The following INTS6 variants were observed in gnomAD, a reference collection of about 807,000 sequenced individuals.
INTS6 encodes the protein DEAD box protein.
A neutral mutation model predicts 104.9 loss-of-function variants in INTS6; 16 were observed. The ratio of observed to expected loss-of-function variants is 0.15; its 90% CI spans 0.10 to 0.23. The LOEUF is 0.23. INTS6 is among the 10% of genes least tolerant of loss of function. INTS6 has a pLI of 1.00. For missense variants in INTS6, 584 were observed against 1,062.8 expected, an observed-to-expected ratio of 0.55 and a Z score of 6.26; for synonymous variants, 324 against 358.7, an observed-to-expected ratio of 0.90 and a Z score of 1.09.
At chr13:51,404,374 G>A (rs1184520526) in intron 4 of INTS6, among the ~76,000 whole-genome samples, 4 of 151,184 alleles carry the variant, frequency 2.6e-5, no homozygotes, top group Non-Finnish European at 4.4e-5. Context: ...TGTAAGTCAC[G>A]AGTCACAGAA....
chr13:51,452,208 C>A lies in INTS6; in HGVS notation c.112-153G>T. 1 of 669,572 alleles carries A rather than the reference C, an allele frequency of 1.5e-6. No individual in the cohort carries two copies. The highest frequency in any genetic ancestry group is 2.2e-6 in the Non-Finnish European group (1 of 464,152). 41.5% of individuals were successfully genotyped at this position (669,572 alleles called of 1,614,324 possible). ...CGCCGTCCCCCACACACAGATCGCTCCCCACACACCGCCCGGGGCCGGAGC... is the reference window on the plus strand; with the variant it reads ...CGCCGTCCCCCACACACAGATCGCTACCCACACACCGCCCGGGGCCGGAGC... On this transcript the variant is annotated intron_variant, in intron 1 of 17. Transcript: ENST00000311234. This position sits in a 1 kb window ranked among gnomAD's most constrained non-coding sequence, Gnocchi z 4.2.
intron 15 of INTS6, among the ~76,000 whole-genome samples, chr13:51,370,397 G>A: frequency 6.6e-6 from 1 of 152,036 alleles, no homozygotes; most frequent in South Asian, 2.1e-4. Flanking sequence ...CACTATCTTA[G>A]GCCAATCTCC....
At chr13:51,355,249 TAAGA>T (rs1307470439) in intron 3 of INTS6, 2 of 466,438 alleles carry the variant, frequency 4.3e-6, no homozygotes, top group Non-Finnish European at 7.6e-6. Flanking sequence ...TGTAAAAGAA[TAAGA>T]AAGGTGCTCT....
intron 14 of INTS6, 74 bp downstream of exon 14, chr13:51,374,580 C>G: frequency 1.3e-6 from 2 of 1,565,208 alleles, no homozygotes; most frequent in South Asian, 2.3e-5. Flanking sequence ...CAGCTTACTT[C>G]AGTTAAATTA....
chr13:51,412,094 A>G (rs1327179351), intron 4 of INTS6, among the ~76,000 whole-genome samples: 1 of 152,214 alleles, frequency 6.6e-6, no homozygotes, highest in African/African-American at 2.4e-5. Context: ...GTATAATTCC[A>G]AATTCTAGAG....
At chr13:51,432,713 C>T (rs948176588) in intron 3 of INTS6, among the ~76,000 whole-genome samples, 43 of 152,212 alleles carry the variant, frequency 2.8e-4, no homozygotes, top group Non-Finnish European at 5.4e-4. Context: ...ATGTGTACTC[C>T]CCAAATTCAA....
At chr13:51,444,274 T>A (rs1487046796) in intron 3 of INTS6, 1 of 144,532 alleles carries the variant, frequency 6.9e-6, no homozygotes, top group Non-Finnish European at 1.5e-5. Context: ...TTTTTTTTTT[T>A]TTTTTTTTTT....
Position 51,387,378 on chromosome 13 carries a change from G to A in INTS6, c.894+8C>T, listed in dbSNP as rs896594874. ...TACTATTACATAGTTACAGTCTCTG[G>A]TACTTACTAGTGTTGGCGAATTTTG... On this transcript the variant is annotated splice_region_variant and intron_variant, in intron 7 of 17. Coordinates refer to ENST00000311234, the MANE Select transcript of INTS6 (RefSeq NM_012141.3). The A allele has an allele frequency of 4.4e-6, 7 of 1,606,956 alleles. No individual in the cohort carries two copies. The Admixed American group carries it at 1.2e-4, about 27-fold the overall frequency.
intron 10 of INTS6, among the ~76,000 whole-genome samples, chr13:51,380,067 T>A (rs1956016000): frequency 6.6e-6 from 1 of 152,090 alleles, no homozygotes; most frequent in Non-Finnish European, 1.5e-5. Flanking sequence ...CAATACCTAC[T>A]CTTACAGGGT....
intron 4 of INTS6, among the ~76,000 whole-genome samples, chr13:51,411,095 C>G (rs946386220): frequency 4.0e-5 from 6 of 151,666 alleles, no homozygotes; most frequent in Non-Finnish European, 8.8e-5. Context: ...TGCCCGTAAT[C>G]CTAGCTACTC....
At chr13:51,447,635 CT>C (rs1952945218) in intron 3 of INTS6, 1 of 145,128 alleles carries the variant, frequency 6.9e-6, no homozygotes, top group Admixed American at 7.2e-5. Flanking sequence ...TACTAACATA[CT>C]TCAGGTAGCA....
intron 3 of INTS6, chr13:51,438,828 G>A (rs1255100127): frequency 6.6e-6 from 1 of 152,126 alleles, no homozygotes; most frequent in Non-Finnish European, 1.5e-5. Context: ...ACATCATTTT[G>A]CTAATTCCTG....
chr13:51,448,273 T>G (rs1952964742), intron 3 of INTS6: 1 of 152,202 alleles, frequency 6.6e-6, no homozygotes, highest in South Asian at 2.1e-4. Flanking sequence ...TGTATCAAAT[T>G]TATCTGCAAT....
chr13:51,452,927 G>C lies in INTS6; in HGVS notation c.-402C>G, dbSNP rs1298381225. ...TGGGGACCTGGGAGCTGGCGAAGAG[G>C]GGAGTGGGCTGAGGGAAGATTGGCC... On this transcript the variant is annotated 5_prime_UTR_variant, in exon 1 of 18. Transcript: ENST00000311234. This position sits in a 1 kb window ranked among gnomAD's most constrained non-coding sequence, Gnocchi z 4.2. 1.9e-6 allele frequency: 2 copies of C among 1,074,754 alleles called. No homozygotes were observed. Among genetic ancestry groups the C allele is most frequent in the African/African-American group, 3.5e-5 (2 of 57,864 alleles). The allele number at this position is 1,074,754 out of a possible 1,614,324, so 66.6% of individuals were successfully genotyped here.
chr13:51,402,155 A>C (rs971131131), intron 4 of INTS6, among the ~76,000 whole-genome samples: 1 of 152,272 alleles, frequency 6.6e-6, no homozygotes, highest in African/African-American at 2.4e-5. Flanking sequence ...GGGCAATAAC[A>C]ATAAACAACA....
chr13:51,355,275 G>A (rs936527338), intron 3 of INTS6: 1 of 562,314 alleles, frequency 1.8e-6, no homozygotes, highest in Non-Finnish European at 3.2e-6. Flanking sequence ...TTTTATATAA[G>A]AATGTGTTGC....
intron 4 of INTS6, among the ~76,000 whole-genome samples, chr13:51,411,351 CGAGACCAG>C (rs202110070): frequency 0.01 from 1,550 of 151,244 alleles, 24 homozygotes; most frequent in African/African-American, 0.035. Flanking sequence ...GTCAGGAGTT[CGAGACCAG>C]CCTGGCCAAC....
In INTS6 at chr13:51,362,017, G is replaced by A. The variant is rs760318143; in HGVS notation, c.*3735C>T. The A allele has an allele frequency of 6.2e-7, 1 of 1,606,350 alleles. No homozygotes were observed. Among genetic ancestry groups the A allele is most frequent in the South Asian group, 1.1e-5 (1 of 89,598 alleles). ...TTCTAGCTGTTTTTATGGTGCTTCA[G>A]AAGCTACCCAGTTGCTATCTTCTAT... On this transcript the variant is annotated 3_prime_UTR_variant, in exon 18 of 18. Coordinates refer to ENST00000311234, the MANE Select transcript of INTS6 (RefSeq NM_012141.3).
At chr13:51,357,624 C>T (rs1955499962), downstream of INTS6, among the ~76,000 whole-genome samples, 1 of 152,024 alleles carries the variant, frequency 6.6e-6, no homozygotes, top group Non-Finnish European at 1.5e-5. Flanking sequence ...CTTAAGGACT[C>T]ATTCAATATT....
Sources: gnomAD v4.1 joint callset for allele counts (sites outside exome capture counted in the v4.1 genomes callset) on GRCh38, gnomAD v4.1.1 for gene constraint, Gnocchi (gnomAD v3.1) non-coding constraint, MANE v1.5 for transcripts, NCBI Gene and HGNC (gene_info 2026-07-23, HGNC 2026-07-21) for gene names.